The following AKAP6 variants were observed in gnomAD, a reference collection of about 807,000 sequenced individuals.
AKAP6 encodes the protein A-kinase anchoring protein 6, also known as A-kinase anchor protein 6.
AKAP6 carries 58 observed loss-of-function variants against 188.5 expected under a neutral mutation model. The ratio of observed to expected loss-of-function variants is 0.31; its 90% CI spans 0.25 to 0.38. AKAP6 has a LOEUF of 0.38. Ranked by LOEUF, AKAP6 falls within the 10% of genes least tolerant of loss-of-function variation. The pLI is 1.00. For missense variants in AKAP6, 2,710 were observed against 2,740.0 expected (o/e 0.99, Z 0.24); for synonymous variants, 989 against 998.6 (o/e 0.99, Z 0.18).
intron 2 of AKAP6, among the ~76,000 whole-genome samples, chr14:32,529,410 A>G (rs971848444): frequency 2.0e-5 from 3 of 152,076 alleles, no homozygotes; most frequent in African/African-American, 7.2e-5. Flanking sequence ...CGATCATGTC[A>G]TCTTTGAACA....
intron 2 of AKAP6, among the ~76,000 whole-genome samples, chr14:32,512,774 A>G (rs1170416599): frequency 2.6e-5 from 4 of 152,314 alleles, no homozygotes; most frequent in South Asian, 4.1e-4. Context: ...AAATACCAAA[A>G]TAGATTTTCA....
intron 13 of AKAP6, among the ~76,000 whole-genome samples, chr14:32,825,259 T>TA (rs2034645673): frequency 6.6e-6 from 1 of 152,176 alleles, no homozygotes; most frequent in African/African-American, 2.4e-5. Context: ...AAAGGCCACA[T>TA]CTCCTGATTT....
intron 2 of AKAP6, among the ~76,000 whole-genome samples, chr14:32,501,414 A>T (rs1248957490): frequency 1.3e-5 from 2 of 152,138 alleles, no homozygotes; most frequent in Non-Finnish European, 2.9e-5. Flanking sequence ...CAGACAAGGA[A>T]AAGAGAGTAC....
chr14:32,730,498 A>T (rs1347491216), intron 9 of AKAP6, among the ~76,000 whole-genome samples: 1 of 152,094 alleles, frequency 6.6e-6, no homozygotes, highest in East Asian at 1.9e-4. Context: ...TATGGGACAC[A>T]TCTAAGCTGT....
intron 7 of AKAP6, among the ~76,000 whole-genome samples, chr14:32,653,831 T>G (rs890516625): frequency 6.6e-6 from 1 of 152,218 alleles, no homozygotes; most frequent in East Asian, 1.9e-4. Context: ...TGCCTCATTT[T>G]TATTTATAGT....
intron 7 of AKAP6, among the ~76,000 whole-genome samples, chr14:32,663,483 T>G (rs1386045600): frequency 6.6e-6 from 1 of 152,038 alleles, no homozygotes; most frequent in Non-Finnish European, 1.5e-5. Context: ...TCCTGTGTAC[T>G]ATAAGGTGAA....
At chr14:32,693,443 G>A (rs1890265599) in intron 8 of AKAP6, 1 of 152,156 alleles carries the variant, frequency 6.6e-6, no homozygotes, top group South Asian at 2.1e-4. Context: ...GGGAGAATGA[G>A]AGAACAACAG....
rs1439907614 is a variant in AKAP6 at position 32,337,806 on chromosome 14, A to G, written c.-35+8398A>G. On this transcript the variant is annotated intron_variant, in intron 1 of 13. Coordinates refer to ENST00000280979, the MANE Select transcript of AKAP6 (RefSeq NM_004274.5). ...TTTTAAACATTTGAATTTTGACTAA[A>G]CTGAAAATAAGTTGAAAGGCAGAGG... is the stretch of plus-strand genomic sequence containing the variant. Among the ~76,000 whole-genome samples, 4 of 151,186 alleles carry G rather than the reference A, an allele frequency of 2.6e-5. No homozygotes were observed. The East Asian group carries it at 5.9e-4, about 22-fold the overall frequency.
intron 2 of AKAP6, among the ~76,000 whole-genome samples, chr14:32,445,891 A>G (rs1056090203): frequency 6.6e-6 from 1 of 152,150 alleles, no homozygotes; most frequent in East Asian, 1.9e-4. Context: ...ACAGACTTTA[A>G]ATAATTGGCA....
Position 32,824,681 on chromosome 14 carries a change from A to C in AKAP6, c.6868A>C (p.Lys2290Gln), listed in dbSNP as rs561896006. The stretch of plus-strand genomic sequence containing the variant: ...CTTGAAGGCAAATCAGCCAACAGAC[A>C]AGGCCGCATTGCATCCCAGCCCCAA... ...LSLKANQPTDKAALHPSPKTL... is the reference protein window; with the variant it reads ...LSLKANQPTDQAALHPSPKTL... Residue 2290 changes from lysine (K) to glutamine (Q), a missense_variant, in exon 13 of 14, where the codon AAG becomes CAG. Lys to Gln is a moderately conservative substitution (Grantham distance 53). Transcript: ENST00000280979. 6.2e-7 allele frequency: 1 copy of C among 1,613,926 alleles called. No individual in the cohort carries two copies. The highest frequency in any genetic ancestry group is 1.1e-5 in the South Asian group (1 of 91,086).
chr14:32,456,201 GT>G (rs1318945713), intron 2 of AKAP6, among the ~76,000 whole-genome samples: 1 of 151,980 alleles, frequency 6.6e-6, no homozygotes, highest in Non-Finnish European at 1.5e-5. Flanking sequence ...TGGCCTAAAT[GT>G]TTTCACGGTG....
chr14:32,600,924 T>C, intron 7 of AKAP6, 132 bp downstream of exon 7: 1 of 698,134 alleles, frequency 1.4e-6, no homozygotes, highest in Non-Finnish European at 2.1e-6. Flanking sequence ...TCTCTATATA[T>C]ATATAAACAA....
At chr14:32,425,172 TA>T (rs1398766134) in intron 1 of AKAP6, among the ~76,000 whole-genome samples, 1 of 152,224 alleles carries the variant, frequency 6.6e-6, no homozygotes, top group African/African-American at 2.4e-5. Context: ...TTTGACGTTT[TA>T]ATAATAGCCA....
At chr14:32,440,869 T>C (rs1594616449) in intron 2 of AKAP6, among the ~76,000 whole-genome samples, 2 of 152,096 alleles carry the variant, frequency 1.3e-5, no homozygotes, top group South Asian at 4.1e-4. Context: ...GGTGGATGGG[T>C]GCTATGATCT....
At chr14:32,614,097 C>T (rs1350248313) in intron 7 of AKAP6, among the ~76,000 whole-genome samples, 2 of 152,062 alleles carry the variant, frequency 1.3e-5, no homozygotes, top group African/African-American at 2.4e-5. Context: ...CTGTATAATA[C>T]AGGACAAAGA....
chr14:32,768,169 T>A (rs1230116749), intron 11 of AKAP6, among the ~76,000 whole-genome samples: 11 of 152,206 alleles, frequency 7.2e-5, no homozygotes, highest in Admixed American at 7.2e-4. Context: ...GACAAATGCA[T>A]CTTCTAAAGA....
intron 5 of AKAP6, among the ~76,000 whole-genome samples, chr14:32,580,917 G>A (rs953350038): frequency 1.5e-4 from 23 of 152,146 alleles, no homozygotes; most frequent in Admixed American, 2.6e-4. Context: ...ATTCCATGGT[G>A]TATATGTGCC....
chr14:32,654,854 T>A (rs1308338538), intron 7 of AKAP6, among the ~76,000 whole-genome samples: 4 of 148,286 alleles, frequency 2.7e-5, no homozygotes, highest in Non-Finnish European at 4.5e-5. Context: ...GTCTCAGGAA[T>A]AAAAAAAAAA....
Position 32,821,821 on chromosome 14 carries a change from G to T in AKAP6, c.4008G>T (p.Leu1336Phe). ...KDSSFSSTKSLPDLLGGSNLV... is the reference protein window; with the variant it reads ...KDSSFSSTKSFPDLLGGSNLV... ...CTTCATTTTCATCTACCAAATCTTTGCCAGATCTTCTAGGTGGTTCCAATT... is the reference window on the plus strand; with the variant it reads ...CTTCATTTTCATCTACCAAATCTTTTCCAGATCTTCTAGGTGGTTCCAATT... Residue 1336 changes from leucine (L) to phenylalanine (F), a missense_variant, in exon 13 of 14, where the codon TTG becomes TTT. Physicochemically the swap from Leu to Phe is conservative, Grantham distance 22. Around this residue, in one of 2 missense-constraint regions of AKAP6, gnomAD observed 2,473 missense variants for 2,426.1 expected, o/e 1.02. Transcript: ENST00000280979. 3 of 1,613,780 alleles carry T rather than the reference G, an allele frequency of 1.9e-6. No individual in the cohort carries two copies. Among genetic ancestry groups the T allele is most frequent in the Non-Finnish European group, 2.5e-6 (3 of 1,179,930 alleles).
Sources: gnomAD v4.1 joint callset for allele counts (sites outside exome capture counted in the v4.1 genomes callset) on GRCh38, gnomAD v4.1.1 for gene constraint, gnomAD v4.1.1 regional missense constraint, MANE v1.5 for transcripts, NCBI Gene and HGNC (gene_info 2026-07-23, HGNC 2026-07-21) for gene names.